The following OPRM1 variants were observed in gnomAD, a reference collection of about 807,000 sequenced individuals.
OPRM1 encodes the protein opioid receptor mu 1.
Under a neutral mutation model 31.8 loss-of-function variants are expected in OPRM1, and 27 were observed. The observed-to-expected ratio is 0.85, with a 90% CI of 0.63 to 1.17. The LOEUF is 1.17. Ranked by LOEUF, OPRM1 falls within the 50% of genes most tolerant of loss-of-function variation. The pLI is 0.00. For missense variants in OPRM1, 536 were observed against 511.1 expected, an observed-to-expected ratio of 1.05 and a Z score of -0.47; for synonymous variants, 196 against 189.9, an observed-to-expected ratio of 1.03 and a Z score of -0.26.
At chr6:154,108,995 T>G (rs1437740130) in intron 3 of OPRM1, 1 of 984,728 alleles carries the variant, frequency 1.0e-6, no homozygotes, top group East Asian at 1.1e-4. Context: ...GGACCAGCAA[T>G]ATGATGATAA....
chr6:154,016,529 G>A (rs1389378181), intron 1 of OPRM1, among the ~76,000 whole-genome samples: 1 of 152,144 alleles, frequency 6.6e-6, no homozygotes, highest in African/African-American at 2.4e-5. Context: ...GGAAAAGGCA[G>A]TGAGTAAAGA....
intron 1 of OPRM1, among the ~76,000 whole-genome samples, chr6:154,028,565 T>A (rs1347763362): frequency 6.6e-6 from 1 of 152,146 alleles, no homozygotes; most frequent in Non-Finnish European, 1.5e-5. Flanking sequence ...AGATAGTCTT[T>A]TGAGTTTATT....
chr6:154,202,803 T>TAGGCACC (rs1777176365), intron 3 of OPRM1, among the ~76,000 whole-genome samples: 1 of 152,072 alleles, frequency 6.6e-6, no homozygotes, highest in Non-Finnish European at 1.5e-5. Context: ...CCATTTTCTC[T>TAGGCACC]AGGCACCAGG....
intron 3 of OPRM1, among the ~76,000 whole-genome samples, chr6:154,092,863 A>G (rs1792597991): frequency 6.6e-6 from 1 of 152,246 alleles, no homozygotes. Flanking sequence ...GACAAAGGGA[A>G]ATTAACTTAT....
At chr6:154,226,846 T>C (rs1157378898) in intron 3 of OPRM1, among the ~76,000 whole-genome samples, 1 of 151,826 alleles carries the variant, frequency 6.6e-6, no homozygotes, top group Non-Finnish European at 1.5e-5. Context: ...CACAATTTCA[T>C]CTCTCCCCCT....
intron 3 of OPRM1, among the ~76,000 whole-genome samples, chr6:154,112,238 A>G (rs1402483700): frequency 2.6e-5 from 4 of 152,218 alleles, no homozygotes; most frequent in African/African-American, 9.6e-5. Context: ...AGAAAATGGT[A>G]GGAAGTTCCA....
chr6:154,230,180 A>G (rs1326369281), intron 3 of OPRM1, among the ~76,000 whole-genome samples: 1 of 152,206 alleles, frequency 6.6e-6, no homozygotes, highest in Non-Finnish European at 1.5e-5. Context: ...AATGAACTGC[A>G]AATTTGAATA....
chr6:154,234,279 C>T (rs1015364929), intron 3 of OPRM1, among the ~76,000 whole-genome samples: 22 of 152,140 alleles, frequency 1.4e-4, no homozygotes, highest in African/African-American at 5.1e-4. Context: ...ACATGTTTTT[C>T]ACAGGCTCCC....
chr6:154,240,698 C>T (rs776312870), intron 3 of OPRM1, among the ~76,000 whole-genome samples: 24 of 152,262 alleles, frequency 1.6e-4, no homozygotes, highest in Non-Finnish European at 3.5e-4. Context: ...AATATGCCTT[C>T]CAAAGATAAG....
intron 1 of OPRM1, among the ~76,000 whole-genome samples, chr6:154,071,550 GT>G (rs771480510): frequency 7.3e-5 from 11 of 150,484 alleles, no homozygotes; most frequent in East Asian, 3.9e-4. Context: ...TATCCCTGTA[GT>G]TTTAAAAAAA....
At chr6:154,185,098 A>G (rs1362425191) in intron 3 of OPRM1, among the ~76,000 whole-genome samples, 1 of 152,198 alleles carries the variant, frequency 6.6e-6, no homozygotes, top group East Asian at 1.9e-4. Context: ...TAAAAAATAT[A>G]TCCATTGGTG....
chr6:154,155,904 C>A (rs1044511199), intron 3 of OPRM1: 1 of 152,132 alleles, frequency 6.6e-6, no homozygotes, highest in Non-Finnish European at 1.5e-5. Flanking sequence ...GAATCTGTTT[C>A]ATCTCTGTGA....
At chr6:154,196,372 C>T (rs1583770261) in intron 3 of OPRM1, among the ~76,000 whole-genome samples, 1 of 152,262 alleles carries the variant, frequency 6.6e-6, no homozygotes, top group East Asian at 1.9e-4. Context: ...TTTCCTGAAA[C>T]ATCATGCATG....
intron 3 of OPRM1, among the ~76,000 whole-genome samples, chr6:154,151,604 T>C (rs554631387): frequency 5.9e-5 from 9 of 151,898 alleles, no homozygotes; most frequent in African/African-American, 1.4e-4. Context: ...TCTGGCCAGG[T>C]AAAGGGATCT....
intron 3 of OPRM1, among the ~76,000 whole-genome samples, chr6:154,169,459 T>G (rs779622477): frequency 3.3e-5 from 5 of 152,172 alleles, no homozygotes; most frequent in Non-Finnish European, 7.4e-5. Context: ...TTTAAACCCA[T>G]GCAAGTCGAC....
At chr6:154,148,157 C>T (rs982920355) in intron 3 of OPRM1, among the ~76,000 whole-genome samples, 1 of 152,174 alleles carries the variant, frequency 6.6e-6, no homozygotes, top group Non-Finnish European at 1.5e-5. Flanking sequence ...CTTGGCCATA[C>T]AGTGGGATCC....
chr6:154,157,066 G>C (rs1269283727), intron 3 of OPRM1: 2 of 152,332 alleles, frequency 1.3e-5, no homozygotes, highest in Middle Eastern at 3.4e-3. Flanking sequence ...TACCCCAAAT[G>C]CATTTCAGAG....
At chr6:154,021,977 T>G (rs544094842) in intron 1 of OPRM1, among the ~76,000 whole-genome samples, 2 of 152,344 alleles carry the variant, frequency 1.3e-5, no homozygotes, top group Non-Finnish European at 2.9e-5. Context: ...TCTTATTGCA[T>G]TAGCTAGGAC....
At position 154,130,464 on chromosome 6, in the gene OPRM1, G is replaced by C. The variant is rs1263695579; in HGVS notation, c.*11743G>C. Among the ~76,000 whole-genome samples the C allele has an allele frequency of 6.6e-6, 1 of 151,834 alleles. No individual in the cohort carries two copies. The highest frequency in any genetic ancestry group is 2.4e-5 in the African/African-American group (1 of 41,344). The stretch of plus-strand genomic sequence containing the variant: ...ATTACAGGTGTGAGCCACTGCGCCT[G>C]GCCAGAAATGTTTAAAATTTCATAA... On this transcript the variant is annotated 3_prime_UTR_variant, in exon 4 of 4. Coordinates refer to ENST00000330432, the MANE Select transcript of OPRM1 (RefSeq NM_000914.5).
Sources: allele counts gnomAD v4.1 joint callset (sites outside exome capture counted in the v4.1 genomes callset), GRCh38; gene constraint gnomAD v4.1.1; transcripts MANE v1.5; gene names NCBI Gene and HGNC (gene_info 2026-07-23, HGNC 2026-07-21).